Variants in KIAA1958 observed in about 807,000 individuals in gnomAD.
The protein encoded by KIAA1958 is uncharacterized protein KIAA1958.
KIAA1958 carries 14 observed loss-of-function variants against 47.2 expected under a neutral mutation model. That is an observed-to-expected ratio of 0.30 (90% CI 0.20 to 0.46). The LOEUF (loss-of-function observed/expected upper bound fraction) is 0.46, where lower values mean the gene tolerates loss of function less well. Among genes scored for constraint, KIAA1958 ranks in the 20% least tolerant of loss-of-function variants. The probability of loss-of-function intolerance (pLI) is 1.00; values close to 1 mark genes in which losing one functional copy is unlikely to be tolerated. For missense variants in KIAA1958, 803 were observed against 909.2 expected (o/e 0.88, Z 1.50); for synonymous variants, 354 against 353.3 (o/e 1.00, Z -0.02).
chr9:112,576,218 A>G (rs1294342619), intron 2 of KIAA1958, among the ~76,000 whole-genome samples: 1 of 152,208 alleles, frequency 6.6e-6, no homozygotes, highest in Non-Finnish European at 1.5e-5. Context: ...TTCCCAAAGA[A>G]GACCTTTCAT....
chr9:112,563,779 T>A (rs531182631), intron 1 of KIAA1958, among the ~76,000 whole-genome samples: 1 of 152,276 alleles, frequency 6.6e-6, no homozygotes, highest in African/African-American at 2.4e-5. Flanking sequence ...TGAATAAGAG[T>A]GATACAGGTG....
chr9:112,496,926 G>A (rs1203996113), intron 1 of KIAA1958, among the ~76,000 whole-genome samples: 1 of 152,016 alleles, frequency 6.6e-6, no homozygotes, highest in Non-Finnish European at 1.5e-5. Flanking sequence ...GGGCATTTTA[G>A]CCCTGCCTAC....
intron 2 of KIAA1958, among the ~76,000 whole-genome samples, chr9:112,625,293 C>T (rs774032662): frequency 1.2e-4 from 18 of 152,174 alleles, no homozygotes; most frequent in South Asian, 8.3e-4. Context: ...CTGGGACTCC[C>T]GGTTCATACC....
At chr9:112,509,758 C>G (rs1303357130) in intron 1 of KIAA1958, among the ~76,000 whole-genome samples, 1 of 152,070 alleles carries the variant, frequency 6.6e-6, no homozygotes, top group Non-Finnish European at 1.5e-5. Flanking sequence ...GTTTGGTGCC[C>G]TCTGTGTTTT....
intron 3 of KIAA1958, among the ~76,000 whole-genome samples, chr9:112,656,814 T>C (rs1373282365): frequency 6.6e-6 from 1 of 152,190 alleles, no homozygotes; most frequent in Non-Finnish European, 1.5e-5. Context: ...TAATTATATT[T>C]TGCTAGACAA....
chr9:112,544,157 T>A (rs1171404084), intron 1 of KIAA1958, among the ~76,000 whole-genome samples: 2 of 152,198 alleles, frequency 1.3e-5, no homozygotes, highest in African/African-American at 4.8e-5. Context: ...TGTTTAGCCC[T>A]TTTCTTATCT....
chr9:112,630,987 C>T (rs1274071510), intron 2 of KIAA1958, among the ~76,000 whole-genome samples: 2 of 152,130 alleles, frequency 1.3e-5, no homozygotes, highest in Admixed American at 1.3e-4. Flanking sequence ...AATTTTATTT[C>T]CTTGCTAGGG....
intron 1 of KIAA1958, among the ~76,000 whole-genome samples, chr9:112,515,918 G>GAAAAA (rs1564155552): frequency 1.3e-4 from 18 of 134,958 alleles, no homozygotes; most frequent in East Asian, 2.2e-4. Flanking sequence ...AAAAAAGACT[G>GAAAAA]AATGCTTTTC....
intron 3 of KIAA1958, among the ~76,000 whole-genome samples, chr9:112,657,063 T>C (rs1332325559): frequency 6.6e-6 from 1 of 152,106 alleles, no homozygotes; most frequent in Non-Finnish European, 1.5e-5. Context: ...TTTATTTCTT[T>C]TCTAGTCCAT....
chr9:112,573,796 C>T (rs1835581530), intron 1 of KIAA1958, among the ~76,000 whole-genome samples: 1 of 152,128 alleles, frequency 6.6e-6, no homozygotes, highest in African/African-American at 2.4e-5. Flanking sequence ...TCTTTCCCCC[C>T]TTAGGCAGGA....
chr9:112,528,962 CT>C (rs887388796), intron 1 of KIAA1958, among the ~76,000 whole-genome samples: 5 of 151,584 alleles, frequency 3.3e-5, no homozygotes, highest in South Asian at 4.2e-4. Context: ...TCCTTTAGAA[CT>C]TTTTTTTTGT....
intron 1 of KIAA1958, among the ~76,000 whole-genome samples, chr9:112,571,843 A>G (rs1048386245): frequency 6.8e-6 from 1 of 146,348 alleles, no homozygotes; most frequent in South Asian, 2.2e-4. Flanking sequence ...TAAAAAATAA[A>G]AAGAAATAAA....
chr9:112,525,749 G>C (rs1169596779), intron 1 of KIAA1958, among the ~76,000 whole-genome samples: 1 of 151,568 alleles, frequency 6.6e-6, no homozygotes, highest in Non-Finnish European at 1.5e-5. Flanking sequence ...TTGTGTCCTT[G>C]ATTATTGTTA....
intron 1 of KIAA1958, among the ~76,000 whole-genome samples, chr9:112,494,577 C>T (rs1834021275): frequency 6.6e-6 from 1 of 151,852 alleles, no homozygotes; most frequent in Admixed American, 6.6e-5. Flanking sequence ...TCAGGTGATC[C>T]TCCCAGTTTA....
At position 112,618,351 on chromosome 9, in the gene KIAA1958, C is replaced by A; in HGVS notation, c.1172-27299C>A. On this transcript the variant is annotated intron_variant, in intron 2 of 3. Coordinates refer to ENST00000337530, the MANE Select transcript of KIAA1958 (RefSeq NM_133465.4). This position sits in a 1 kb window ranked among gnomAD's most constrained non-coding sequence, Gnocchi z 7.1. ...CTCAACCTAGTCTGGCTCAACAACA[C>A]AAAAGCTTTTGGGCATTGCACAGGC... 1 of 1,551,284 alleles carries A rather than the reference C, an allele frequency of 6.4e-7. No individual in the cohort carries two copies. The highest frequency in any genetic ancestry group is 8.7e-7 in the Non-Finnish European group (1 of 1,147,138).
At chr9:112,568,243 G>A (rs1302696239) in intron 1 of KIAA1958, among the ~76,000 whole-genome samples, 1 of 152,124 alleles carries the variant, frequency 6.6e-6, no homozygotes, top group Non-Finnish European at 1.5e-5. Context: ...GAGGTCATCT[G>A]AAATACTGTG....
At chr9:112,584,705 GATCAACA>G (rs1835793762) in intron 2 of KIAA1958, among the ~76,000 whole-genome samples, 1 of 152,146 alleles carries the variant, frequency 6.6e-6, no homozygotes, top group Admixed American at 6.5e-5. Context: ...TTTATTCGAG[GATCAACA>G]TTGCCTGAGT....
At chr9:112,654,733 G>T (rs1837120199) in intron 3 of KIAA1958, among the ~76,000 whole-genome samples, 1 of 150,524 alleles carries the variant, frequency 6.6e-6, no homozygotes, top group Non-Finnish European at 1.5e-5. Flanking sequence ...CTTTGTTTTA[G>T]TGCAATGGTT....
rs758525184 is a variant in KIAA1958 at position 112,525,918 on chromosome 9, T to TTTCTTC, written c.-25+38878_-25+38883dup. On this transcript the variant is annotated intron_variant, in intron 1 of 3. Coordinates refer to ENST00000337530, the MANE Select transcript of KIAA1958 (RefSeq NM_133465.4). Reference sequence around the variant, plus strand: ...AAGTTGGAAAGCTTCATTTATATTCTTTCTTCTTCTTCTTCTTCTTCTTCT... The same window carrying TTTCTTC: ...AAGTTGGAAAGCTTCATTTATATTCTTTCTTCTTCTTCTTCTTCTTCTTCTTCTTCT... 7.9e-4 allele frequency among the ~76,000 whole-genome samples: 76 copies of TTTCTTC among 96,500 alleles called. 5 individuals carry two copies. The highest frequency in any genetic ancestry group is 1.2e-3 in the Non-Finnish European group (58 of 46,440). 63.3% of individuals were successfully genotyped at this position (96,500 alleles called of 152,430 possible).
Sources: gnomAD v4.1 joint callset for allele counts (sites outside exome capture counted in the v4.1 genomes callset) on GRCh38, gnomAD v4.1.1 for gene constraint, Gnocchi (gnomAD v3.1) non-coding constraint, MANE v1.5 for transcripts, NCBI Gene and HGNC (gene_info 2026-07-23, HGNC 2026-07-21) for gene names.